MARCHF1: variants seen among roughly 807,000 people sequenced by gnomAD.
MARCHF1 encodes the protein membrane associated ring-CH-type finger 1.
MARCHF1 carries 40 observed loss-of-function variants against 54.2 expected under a neutral mutation model. The observed-to-expected ratio is 0.74, with a 90% CI of 0.57 to 0.96. The LOEUF (loss-of-function observed/expected upper bound fraction) is 0.96. Ranked by LOEUF, MARCHF1 falls within the 40% of genes least tolerant of loss-of-function variation. The pLI, the probability that MARCHF1 is intolerant of heterozygous loss-of-function variation, is 0.00. For synonymous variants in MARCHF1, 236 were observed against 236.3 expected, an observed-to-expected ratio of 1.00 and a Z score of 0.01; for missense variants, 586 against 656.5, an observed-to-expected ratio of 0.89 and a Z score of 1.17.
At chr4:164,244,817 A>C (rs1732889041) in intron 1 of MARCHF1, among the ~76,000 whole-genome samples, 1 of 152,150 alleles carries the variant, frequency 6.6e-6, no homozygotes, top group Non-Finnish European at 1.5e-5. Context: ...CCATCAGAGA[A>C]TACTACAAAC....
At chr4:163,755,034 A>G (rs1023467323) in intron 4 of MARCHF1, among the ~76,000 whole-genome samples, 3 of 152,190 alleles carry the variant, frequency 2.0e-5, no homozygotes, top group African/African-American at 7.2e-5. Flanking sequence ...ACATTCGGCA[A>G]TGTCTGAAGA....
At chr4:163,765,140 A>T (rs554261965) in intron 4 of MARCHF1, among the ~76,000 whole-genome samples, 1 of 152,166 alleles carries the variant, frequency 6.6e-6, no homozygotes, top group African/African-American at 2.4e-5. Context: ...TACACCACTG[A>T]AATTGGCAAA....
At chr4:163,538,924 A>G (rs979594283) in intron 9 of MARCHF1, among the ~76,000 whole-genome samples, 3 of 152,218 alleles carry the variant, frequency 2.0e-5, no homozygotes, top group African/African-American at 7.2e-5. Context: ...GCTTTGGCCA[A>G]TAGGACAATA....
chr4:163,699,375 G>T (rs1295039163), intron 5 of MARCHF1, among the ~76,000 whole-genome samples: 1 of 152,160 alleles, frequency 6.6e-6, no homozygotes, highest in Non-Finnish European at 1.5e-5. Flanking sequence ...ATTAGGGTCT[G>T]CTCCTATAAA....
At chr4:163,796,962 T>C (rs1391673225) in intron 4 of MARCHF1, among the ~76,000 whole-genome samples, 2 of 152,164 alleles carry the variant, frequency 1.3e-5, no homozygotes. Context: ...AGTATTGATA[T>C]CATTATTTTA....
chr4:163,769,564 A>G (rs1162277347), intron 4 of MARCHF1, among the ~76,000 whole-genome samples: 1 of 152,204 alleles, frequency 6.6e-6, no homozygotes, highest in African/African-American at 2.4e-5. Context: ...TCTAAAGGCC[A>G]TGTTGTCACA....
chr4:164,085,683 T>G (rs1180521509), intron 2 of MARCHF1, among the ~76,000 whole-genome samples: 1 of 151,806 alleles, frequency 6.6e-6, no homozygotes, highest in Non-Finnish European at 1.5e-5. Context: ...AGCATGGTTA[T>G]CGCAAATAAA....
At chr4:163,860,577 TGTGAAG>T (rs2111189375) in intron 3 of MARCHF1, among the ~76,000 whole-genome samples, 1 of 152,278 alleles carries the variant, frequency 6.6e-6, no homozygotes, top group African/African-American at 2.4e-5. Context: ...AAGAAAAACT[TGTGAAG>T]GCCACAGCCG....
At chr4:164,245,404 T>C (rs545879670) in intron 1 of MARCHF1, among the ~76,000 whole-genome samples, 96 of 152,360 alleles carry the variant, frequency 6.3e-4, no homozygotes, top group African/African-American at 2.2e-3. Context: ...CAACGATGCT[T>C]CATGCTAAAA....
chr4:163,875,231 C>A (rs1261846389), intron 3 of MARCHF1, among the ~76,000 whole-genome samples: 1 of 151,904 alleles, frequency 6.6e-6, no homozygotes, highest in Non-Finnish European at 1.5e-5. Flanking sequence ...AAAAAAAATT[C>A]CCCAATTTAT....
chr4:164,275,833 CA>C (rs1368074565), intron 1 of MARCHF1, among the ~76,000 whole-genome samples: 13 of 152,164 alleles, frequency 8.5e-5, no homozygotes, highest in African/African-American at 2.9e-4. Flanking sequence ...AAAGGGACAG[CA>C]ATAAGCAAAT....
chr4:164,095,922 C>T (rs756971886), intron 2 of MARCHF1, among the ~76,000 whole-genome samples: 5 of 151,976 alleles, frequency 3.3e-5, no homozygotes, highest in Admixed American at 6.6e-5. Context: ...ATAACATATA[C>T]GGACGAGACT....
At chr4:164,060,026 A>T (rs1193660106) in intron 2 of MARCHF1, among the ~76,000 whole-genome samples, 2 of 152,128 alleles carry the variant, frequency 1.3e-5, no homozygotes, top group African/African-American at 4.8e-5. Flanking sequence ...TGTAGAATAA[A>T]CATTTTGCCT....
intron 3 of MARCHF1, among the ~76,000 whole-genome samples, chr4:163,902,827 T>A (rs895086756): frequency 9.8e-5 from 15 of 152,318 alleles, no homozygotes; most frequent in African/African-American, 3.4e-4. Context: ...ATGTCTTAAT[T>A]CCTTAAACAT....
At chr4:163,622,716 C>T (rs972533451) in intron 5 of MARCHF1, among the ~76,000 whole-genome samples, 32 of 152,096 alleles carry the variant, frequency 2.1e-4, no homozygotes, top group African/African-American at 7.7e-4. Context: ...GACAGCTAAA[C>T]GTGGAAGAGG....
intron 1 of MARCHF1, among the ~76,000 whole-genome samples, chr4:164,172,742 C>A (rs1176735940): frequency 6.6e-6 from 1 of 152,174 alleles, no homozygotes; most frequent in Admixed American, 6.5e-5. Flanking sequence ...CTTTGGGAGG[C>A]TGAGGCGGGC....
At chr4:164,116,684 T>C (rs1439944298) in intron 1 of MARCHF1, among the ~76,000 whole-genome samples, 1 of 152,142 alleles carries the variant, frequency 6.6e-6, no homozygotes, top group African/African-American at 2.4e-5. Context: ...GTAACTATCA[T>C]CCTGAACACC....
intron 9 of MARCHF1, 103 bp from the exon 10 acceptor site, chr4:163,529,149 AT>A (rs1249712866): frequency 3.6e-5 from 27 of 760,380 alleles, no homozygotes; most frequent in Non-Finnish European, 5.3e-5. Flanking sequence ...TGCCTTCTAG[AT>A]TATGTATGTT....
intron 5 of MARCHF1, among the ~76,000 whole-genome samples, chr4:163,664,366 A>G (rs1031658275): frequency 3.9e-5 from 6 of 152,176 alleles, no homozygotes; most frequent in African/African-American, 1.4e-4. Flanking sequence ...TATGCAGTTC[A>G]TATCAATGAT....
Sources: allele counts gnomAD v4.1 joint callset (sites outside exome capture counted in the v4.1 genomes callset), GRCh38; gene constraint gnomAD v4.1.1; transcripts MANE v1.5; gene names NCBI Gene and HGNC (gene_info 2026-07-23, HGNC 2026-07-21).